M1AP: variants seen among roughly 807,000 people sequenced by gnomAD.
M1AP encodes the protein meiosis 1 arrest protein.
A neutral mutation model predicts 51.2 loss-of-function variants in M1AP; 39 were observed. The ratio of observed to expected loss-of-function variants is 0.76; its 90% CI spans 0.59 to 1.00. The LOEUF (loss-of-function observed/expected upper bound fraction) is 1.00. Among genes scored for constraint, M1AP ranks in the 50% least tolerant of loss-of-function variants. The pLI is 0.00. For synonymous variants in M1AP, 251 were observed against 249.2 expected, an observed-to-expected ratio of 1.01 and a Z score of -0.07; for missense variants, 545 against 641.2, an observed-to-expected ratio of 0.85 and a Z score of 1.62.
intron 7 of M1AP, among the ~76,000 whole-genome samples, chr2:74,569,001 C>A (rs1206167580): frequency 6.6e-6 from 1 of 152,184 alleles, no homozygotes; most frequent in South Asian, 2.1e-4. Flanking sequence ...CCAGGTGTGA[C>A]AAAAGACATG....
intron 4 of M1AP, among the ~76,000 whole-genome samples, chr2:74,594,751 C>T (rs932232325): frequency 6.6e-6 from 1 of 152,004 alleles, no homozygotes; most frequent in Non-Finnish European, 1.5e-5. Flanking sequence ...GTAGCACGAG[C>T]CTGTGGTCCC....
Position 74,594,678 on chromosome 2 carries a change from A to T in M1AP, c.595+12377T>A, listed in dbSNP as rs182228609. On this transcript the variant is annotated intron_variant, in intron 4 of 10. Coordinates refer to ENST00000421985, the MANE Select transcript of M1AP (RefSeq NM_001321739.2). ...TGCCTGAGCCCAGGAGTTTGAGACC[A>T]GCCTGGGCAACATGGTGAAACTTCA... Among the ~76,000 whole-genome samples, 227 of 152,134 alleles carry T rather than the reference A, an allele frequency of 1.5e-3. 2 individuals carry two copies. Among genetic ancestry groups the T allele is most frequent in the Non-Finnish European group, 1.5e-4 (10 of 67,988 alleles).
chr2:74,601,262 T>C (rs1429386099), intron 4 of M1AP, among the ~76,000 whole-genome samples: 1 of 151,986 alleles, frequency 6.6e-6, no homozygotes, highest in Non-Finnish European at 1.5e-5. Flanking sequence ...TTCATAGCTA[T>C]GAAAAGGGAG....
At chr2:74,572,243 C>T (rs1678790032) in intron 7 of M1AP, among the ~76,000 whole-genome samples, 1 of 152,152 alleles carries the variant, frequency 6.6e-6, no homozygotes, top group South Asian at 2.1e-4. Flanking sequence ...CTGGCTACAT[C>T]CAGAGTAGGG....
At chr2:74,627,262 AT>A (rs1682454594) in intron 2 of M1AP, among the ~76,000 whole-genome samples, 1 of 152,098 alleles carries the variant, frequency 6.6e-6, no homozygotes, top group Non-Finnish European at 1.5e-5. Flanking sequence ...GTATTTGATC[AT>A]TTTGGTTATT....
chr2:74,576,599 G>T lies in M1AP; in HGVS notation c.789C>A (p.Leu263=), dbSNP rs1679090288. ...GGGATGGGCAGAGCAGTCGCTCTTG[G>T]AGATCACATTTCAGACACACTACAA... ...RDNPMCLKCD[L]QERLLCPSLL... is the part of the protein sequence containing the mutation. The change falls in exon 6 of 11, where the codon CTC becomes CTA. Residue 263 remains leucine, a synonymous_variant. Transcript: ENST00000421985. 2 of 1,614,050 alleles carry T rather than the reference G, an allele frequency of 1.2e-6. No individual in the cohort carries two copies. Among genetic ancestry groups the T allele is most frequent in the Non-Finnish European group, 1.7e-6 (2 of 1,179,966 alleles).
intron 2 of M1AP, among the ~76,000 whole-genome samples, chr2:74,634,969 G>A (rs1273457815): frequency 1.3e-5 from 2 of 151,930 alleles, no homozygotes; most frequent in African/African-American, 2.4e-5. Flanking sequence ...TACCACCTTA[G>A]TCTATTTTGG....
intron 4 of M1AP, among the ~76,000 whole-genome samples, chr2:74,587,134 T>G (rs1208306500): frequency 1.3e-5 from 2 of 152,144 alleles, no homozygotes; most frequent in Non-Finnish European, 2.9e-5. Flanking sequence ...ACAAATATAA[T>G]TTTCTTCCTT....
At chr2:74,639,947 A>T in intron 2 of M1AP, 89 bp downstream of exon 2, 1 of 1,159,644 alleles carries the variant, frequency 8.6e-7, no homozygotes, top group Non-Finnish European at 1.3e-6. Context: ...GGTTATTGTT[A>T]TAAGTATTAA....
In M1AP at chr2:74,558,668, G is replaced by C. The variant is rs1313704922; in HGVS notation, c.*48C>G. 6.2e-7 allele frequency: 1 copy of C among 1,602,882 alleles called. No individual in the cohort carries two copies. Among genetic ancestry groups the C allele is most frequent in the East Asian group, 2.3e-5 (1 of 44,336 alleles). The stretch of plus-strand genomic sequence containing the variant: ...CCACAGATAGCCATTATGTGAACCT[G>C]AGCATGGATATGGTTAAGCTGGGCA... On this transcript the variant is annotated 3_prime_UTR_variant, in exon 11 of 11. Transcript: ENST00000421985.
chr2:74,631,179 G>A (rs184490184), intron 2 of M1AP, among the ~76,000 whole-genome samples: 2 of 152,030 alleles, frequency 1.3e-5, no homozygotes. Context: ...AGATATGTTT[G>A]TTTTTAGTTA....
Position 74,578,293 on chromosome 2 carries a change from G to A in M1AP, c.770-1675C>T, listed in dbSNP as rs1430048987. ...TTTATTATACTTTAAGTTTTGGGGTGCATGTGCACAATGTGCAGGTTTGTT... is the reference window on the plus strand; with the variant it reads ...TTTATTATACTTTAAGTTTTGGGGTACATGTGCACAATGTGCAGGTTTGTT... On this transcript the variant is annotated intron_variant, in intron 5 of 10. Transcript: ENST00000421985. Among the ~76,000 whole-genome samples the A allele has an allele frequency of 1.1e-4, 16 of 152,166 alleles. 1 individual carries two copies. Among genetic ancestry groups the A allele is most frequent in the Admixed American group, 6.5e-4 (10 of 15,278 alleles).
At position 74,597,114 on chromosome 2, in the gene M1AP, C is replaced by T. The variant is rs901752349; in HGVS notation, c.595+9941G>A. Among the ~76,000 whole-genome samples, 5 of 152,196 alleles carry T rather than the reference C, an allele frequency of 3.3e-5. No homozygotes were observed. In the South Asian group the frequency reaches 8.3e-4, roughly 25 times the overall value. On this transcript the variant is annotated intron_variant, in intron 4 of 10. Coordinates refer to ENST00000421985, the MANE Select transcript of M1AP (RefSeq NM_001321739.2). ...TGCAACTTATGGTATGTAAATTATT[C>T]CCCAATAAAGGAAGGAAAGGAAAAA...
At chr2:74,570,469 C>G (rs1296631812) in intron 7 of M1AP, among the ~76,000 whole-genome samples, 2 of 152,164 alleles carry the variant, frequency 1.3e-5, no homozygotes, top group African/African-American at 4.8e-5. Context: ...CAAATTATAT[C>G]TGAGACTTTA....
chr2:74,617,315 T>C (rs1382996608), intron 2 of M1AP, among the ~76,000 whole-genome samples: 2 of 152,188 alleles, frequency 1.3e-5, no homozygotes, highest in East Asian at 1.9e-4. Flanking sequence ...AGGGTGTCAT[T>C]AGATGACACC....
chr2:74,618,881 G>C, intron 2 of M1AP: 1 of 515,364 alleles, frequency 1.9e-6, no homozygotes, highest in Non-Finnish European at 3.9e-6. Context: ...TCATTGTTCA[G>C]TCTTACAGCT....
rs116141319 is a variant in M1AP, at chr2:74,563,249, A to T, written c.1075-826T>A. ...AAATAAAGATAGATAGATGATTGAT[A>T]GATAGACAGACAGATAGAGAGAAGG... On this transcript the variant is annotated intron_variant, in intron 7 of 10. Transcript: ENST00000421985. Among the ~76,000 whole-genome samples, 738 of 152,276 alleles carry T rather than the reference A, an allele frequency of 4.8e-3. 2 individuals are homozygous for T. The highest frequency in any genetic ancestry group is 0.016 in the African/African-American group (685 of 41,550).
intron 1 of M1AP, chr2:74,647,212 C>T (rs1683661970): frequency 2.0e-6 from 2 of 985,178 alleles, no homozygotes; most frequent in Non-Finnish European, 2.4e-6. Context: ...TCTGCTTGTG[C>T]CTTCTGCCCA....
chr2:74,569,502 G>A (rs1159103651), intron 7 of M1AP, among the ~76,000 whole-genome samples: 6 of 151,666 alleles, frequency 4.0e-5, no homozygotes, highest in African/African-American at 1.5e-4. Context: ...CGCCTCCCGA[G>A]TAGCTGGGAC....
Sources: allele counts gnomAD v4.1 joint callset (sites outside exome capture counted in the v4.1 genomes callset), GRCh38; gene constraint gnomAD v4.1.1; transcripts MANE v1.5; gene names NCBI Gene and HGNC (gene_info 2026-07-23, HGNC 2026-07-21).